NSD2: variants seen among roughly 807,000 people sequenced by gnomAD.
NSD2 encodes the protein nuclear receptor binding SET domain protein 2.
In NSD2, 12 loss-of-function variants were observed where a neutral mutation model predicts 139.0. The observed-to-expected ratio is 0.09, with a 90% CI of 0.06 to 0.14. NSD2 has a LOEUF of 0.14. NSD2 is among the 10% of genes least tolerant of loss of function. The probability of loss-of-function intolerance (pLI) is 1.00; values close to 1 mark genes in which losing one functional copy is unlikely to be tolerated. For missense variants in NSD2, 1,155 were observed against 1,745.0 expected (o/e 0.66, Z 6.02); for synonymous variants, 669 against 648.7 (o/e 1.03, Z -0.48).
At chr4:1,882,768 G>T (rs988117088) in intron 1 of NSD2, among the ~76,000 whole-genome samples, 1 of 152,206 alleles carries the variant, frequency 6.6e-6, no homozygotes. Context: ...CTCAAAGTCT[G>T]GTCCCCAGAC....
chr4:1,950,163 A>G lies in NSD2; in HGVS notation c.1882-909A>G, dbSNP rs995644174. Among the ~76,000 whole-genome samples the G allele has an allele frequency of 1.6e-4, 24 of 152,320 alleles. 1 individual carries two copies. The highest frequency in any genetic ancestry group is 1.4e-3 in the Admixed American group (22 of 15,300). On this transcript the variant is annotated intron_variant, in intron 9 of 21. Transcript: ENST00000508803. Reference sequence around the variant, plus strand: ...GATTTGACAGACAAGAAGATTCTCTATTTTATTCATTTAAATATTTGTTGA... The same window carrying G: ...GATTTGACAGACAAGAAGATTCTCTGTTTTATTCATTTAAATATTTGTTGA...
At chr4:1,908,846 CAT>C (rs1718286440) in intron 3 of NSD2, among the ~76,000 whole-genome samples, 1 of 152,114 alleles carries the variant, frequency 6.6e-6, no homozygotes, top group African/African-American at 2.4e-5. Context: ...GTGGCACAAT[CAT>C]AGCTCACTCC....
In NSD2 at chr4:1,939,701, C is replaced by T; in HGVS notation, c.1804C>T (p.Arg602Trp). The change falls in exon 9 of 22, where the codon CGG becomes TGG. Residue 602 changes from arginine to tryptophan, a missense_variant. Coordinates refer to ENST00000508803, the MANE Select transcript of NSD2 (RefSeq NM_001042424.3). Reference protein sequence around the residue: ...DACKPLKKRNRASTAASSALG... With the variant: ...DACKPLKKRNWASTAASSALG... ...ATGTAAACCACTGAAGAAGCGAAAT[C>T]GGGCTTCCACGGCAGCATCTTCAGC... 1.9e-6 allele frequency: 3 copies of T among 1,614,198 alleles called. No individual in the cohort carries two copies. The highest frequency in any genetic ancestry group is 2.5e-6 in the Non-Finnish European group (3 of 1,180,034).
chr4:1,945,329 T>G, intron 9 of NSD2: 1 of 1,065,760 alleles, frequency 9.4e-7, no homozygotes, highest in Non-Finnish European at 1.1e-6. Context: ...GTGAGAGCCA[T>G]GCTGTCAGGA....
chr4:1,917,778 CTTTTTTTTTT>C (rs34000332), intron 4 of NSD2, among the ~76,000 whole-genome samples: 24 of 122,642 alleles, frequency 2.0e-4, no homozygotes, highest in Non-Finnish European at 3.7e-4. Flanking sequence ...TAAAAGTATT[CTTTTTTTTTT>C]TTTTTTTTTT....
At chr4:1,889,001 G>A (rs1446330504) in intron 1 of NSD2, among the ~76,000 whole-genome samples, 3 of 151,288 alleles carry the variant, frequency 2.0e-5, no homozygotes, top group African/African-American at 7.3e-5. Context: ...GGGTTCAAGT[G>A]ATTCTTCTGC....
Position 1,981,854 on chromosome 4 carries a change from T to C in NSD2, c.*2945T>C, listed in dbSNP as rs1334436695. On this transcript the variant is annotated 3_prime_UTR_variant, in exon 22 of 22. Transcript: ENST00000508803. ...ATGAGTGTAGTTGATGACTGTTTGT[T>C]AGTCAGTAGAGTAAAATGCTGTGTC... 6 of 398,332 alleles carry C rather than the reference T, an allele frequency of 1.5e-5. No homozygotes were observed. The highest frequency in any genetic ancestry group is 8.3e-5 in the African/African-American group (4 of 48,442). 24.7% of individuals were successfully genotyped at this position (398,332 alleles called of 1,614,324 possible).
At chr4:1,945,123 C>T (rs1277855598) in intron 9 of NSD2, 2 of 1,066,600 alleles carry the variant, frequency 1.9e-6, no homozygotes, top group African/African-American at 3.3e-5. Context: ...CGAGAGGTCC[C>T]CGCAGCTCTA....
Position 1,918,546 on chromosome 4 carries a change from A to G in NSD2, c.1333A>G (p.Thr445Ala). The G allele has an allele frequency of 1.2e-6, 2 of 1,613,942 alleles. No homozygotes were observed. Among genetic ancestry groups the G allele is most frequent in the Non-Finnish European group, 1.7e-6 (2 of 1,179,968 alleles). The change falls in exon 5 of 22, where the codon ACA (threonine) becomes GCA (alanine). Residue 445 changes from threonine to alanine, a missense_variant. Physicochemically the swap from Thr to Ala is moderately conservative, Grantham distance 58. Coordinates refer to ENST00000508803, the MANE Select transcript of NSD2 (RefSeq NM_001042424.3). ...VGSPPGRKKT[T>A]VSMPRSRKGD... ...GTCTCCTCCTGGGAGGAAGAAGACC[A>G]CAGTCTCCATGCCACGAAGCAGGAA...
chr4:1,893,191 C>T (rs1186775191), intron 1 of NSD2, among the ~76,000 whole-genome samples: 1 of 152,164 alleles, frequency 6.6e-6, no homozygotes, highest in Non-Finnish European at 1.5e-5. Context: ...TCAGGCCAGG[C>T]TCGGTGGCTT....
In NSD2 at chr4:1,948,867, T is replaced by C. The variant is rs77441783; in HGVS notation, c.1882-2205T>C. On this transcript the variant is annotated intron_variant, in intron 9 of 21. Transcript: ENST00000508803. This position sits in a 1 kb window ranked among gnomAD's most constrained non-coding sequence, Gnocchi z 4.5. ...TGTCTTTCTCTCCATGCATTTTTTTTCTCATTTTTAAAGCTTTTTAAGTTT... is the reference window on the plus strand; with the variant it reads ...TGTCTTTCTCTCCATGCATTTTTTTCCTCATTTTTAAAGCTTTTTAAGTTT... 5 of 970,372 alleles carry C rather than the reference T, an allele frequency of 5.2e-6. No individual in the cohort carries two copies. Among genetic ancestry groups the C allele is most frequent in the Non-Finnish European group, 6.2e-6 (5 of 806,252 alleles). The allele number at this position is 970,372 out of a possible 1,614,324, so 60.1% of individuals were successfully genotyped here. A position where few individuals can be genotyped will look rare whatever the true frequency, so the allele number is the denominator to read the frequency against.
intron 18 of NSD2, among the ~76,000 whole-genome samples, chr4:1,969,564 G>A (rs1726231444): frequency 6.6e-6 from 1 of 151,762 alleles, no homozygotes; most frequent in Non-Finnish European, 1.5e-5. Flanking sequence ...AAAAATAGCT[G>A]GGCACAGTGG....
chr4:1,963,526 T>G (rs765159838), intron 18 of NSD2, among the ~76,000 whole-genome samples: 10 of 152,212 alleles, frequency 6.6e-5, no homozygotes, highest in Admixed American at 2.0e-4. Flanking sequence ...AAACTACTTA[T>G]GTGCTGTAAG....
intron 1 of NSD2, among the ~76,000 whole-genome samples, chr4:1,888,266 G>C (rs548770036): frequency 6.6e-6 from 1 of 152,018 alleles, no homozygotes; most frequent in East Asian, 1.9e-4. Context: ...ACAAAAATTA[G>C]CCAGGCCTGG....
intron 1 of NSD2, among the ~76,000 whole-genome samples, chr4:1,893,181 T>C (rs553071366): frequency 6.6e-6 from 1 of 152,124 alleles, no homozygotes; most frequent in Non-Finnish European, 1.5e-5. Context: ...TATTAAACTC[T>C]CAGGCCAGGC....
At chr4:1,908,553 A>T (rs908798493) in intron 3 of NSD2, among the ~76,000 whole-genome samples, 10 of 152,256 alleles carry the variant, frequency 6.6e-5, no homozygotes. Flanking sequence ...GGAGATTCAG[A>T]TAATCTTAAA....
chr4:1,934,709 G>C (rs1325145944), intron 6 of NSD2, among the ~76,000 whole-genome samples: 7 of 148,090 alleles, frequency 4.7e-5, no homozygotes, highest in African/African-American at 1.7e-4. Context: ...TTAGCTGGGC[G>C]TGGTGGCACG....
intron 8 of NSD2, chr4:1,939,197 A>G (rs1722809806): frequency 6.2e-6 from 1 of 160,248 alleles, no homozygotes; most frequent in African/African-American, 2.4e-5. Context: ...AGTTAAACAG[A>G]CTTTAAAAAA....
chr4:1,935,408 C>A, intron 7 of NSD2, 146 bp downstream of exon 7: 1 of 628,054 alleles, frequency 1.6e-6, no homozygotes, highest in Non-Finnish European at 2.8e-6. Context: ...AGAAGGCTTG[C>A]ATTTCTTACA....
Sources: gnomAD v4.1 joint callset for allele counts (sites outside exome capture counted in the v4.1 genomes callset) on GRCh38, gnomAD v4.1.1 for gene constraint, Gnocchi (gnomAD v3.1) non-coding constraint, MANE v1.5 for transcripts, NCBI Gene and HGNC (gene_info 2026-07-23, HGNC 2026-07-21) for gene names.